Variants in TUBA3D observed in about 807,000 individuals in gnomAD.
TUBA3D encodes tubulin alpha-3D chain.
In TUBA3D, 24 loss-of-function variants were observed where a neutral mutation model predicts 36.1. The observed-to-expected ratio is 0.66, with a 90% CI of 0.48 to 0.93. The LOEUF is 0.93. Among genes scored for constraint, TUBA3D ranks in the 40% least tolerant of loss-of-function variants. The probability of loss-of-function intolerance (pLI) is 0.00; values close to 1 mark genes in which losing one functional copy is unlikely to be tolerated. For missense variants in TUBA3D, 356 were observed against 614.5 expected (o/e 0.58, Z 4.45); for synonymous variants, 185 against 247.2 (o/e 0.75, Z 2.36).
rs575365089 is a variant in TUBA3D at position 131,479,202 on chromosome 2, G to A, written c.227-106G>A. 191 of 1,501,676 alleles carry A rather than the reference G, an allele frequency of 1.3e-4. No homozygotes were observed. The South Asian group carries it at 1.6e-3, about 13-fold the overall frequency. 93.0% of individuals were successfully genotyped at this position (1,501,676 alleles called of 1,614,324 possible). Reference sequence around the variant, plus strand: ...TGTTGACCTATGACATGTAGGTCATGTACTTTGAACAGCATGTGCTCTGTA... The same window carrying A: ...TGTTGACCTATGACATGTAGGTCATATACTTTGAACAGCATGTGCTCTGTA... On this transcript the variant is annotated intron_variant, in intron 2 of 4. Transcript: ENST00000321253.
chr2:131,480,305 C>G lies in TUBA3D; in HGVS notation c.612C>G (p.Val204=), dbSNP rs560756950. ...AACATTCTGACTGTGCCTTCATGGTCGACAATGAAGCCATCTATGACATAT... is the reference window on the plus strand; with the variant it reads ...AACATTCTGACTGTGCCTTCATGGTGGACAATGAAGCCATCTATGACATAT... ...TLEHSDCAFM[V]DNEAIYDICR... Residue 204 remains valine, a synonymous_variant, in exon 4 of 5, where the codon GTC becomes GTG. Coordinates refer to ENST00000321253, the MANE Select transcript of TUBA3D (RefSeq NM_080386.4). The G allele has an allele frequency of 4.3e-6, 7 of 1,613,344 alleles. No homozygotes were observed. Among genetic ancestry groups the G allele is most frequent in the African/African-American group, 1.3e-5 (1 of 74,458 alleles).
rs1678816795 is a variant in TUBA3D at position 131,480,356 on chromosome 2, TCCCACGTACA to T, written c.666_675del (p.Tyr224SerfsTer4). 1.2e-6 allele frequency: 2 copies of T among 1,609,922 alleles called. No homozygotes were observed. Among genetic ancestry groups the T allele is most frequent in the Admixed American group, 3.3e-5 (2 of 59,852 alleles). ...GTCGGCGCAACCTGGACATTGAACG[TCCCACGTACA>T]CCAACCTCAATCGCCTGATTGGGCA... On this transcript the variant is annotated frameshift_variant, in exon 4 of 5. Coordinates refer to ENST00000321253, the MANE Select transcript of TUBA3D (RefSeq NM_080386.4). LOFTEE classifies it high-confidence loss of function.
At chr2:131,478,064 C>G (rs1293625718) in intron 1 of TUBA3D, 100 bp from the exon 2 acceptor site, 1 of 1,479,706 alleles carries the variant, frequency 6.8e-7, no homozygotes, top group Admixed American at 2.2e-5. Context: ...GCGCCAGATA[C>G]TGAAGCAGTA....
chr2:131,480,419 G>A lies in TUBA3D; in HGVS notation c.726G>A (p.Leu242=). The A allele has an allele frequency of 2.5e-6, 4 of 1,588,244 alleles. No individual in the cohort carries two copies. The highest frequency in any genetic ancestry group is 3.4e-6 in the Non-Finnish European group (4 of 1,171,486). Reference sequence around the variant, plus strand: ...TCGTGTCCTCCATCACAGCCTCCCTGCGATTTGATGGGGCCCTGAATGTGG... The same window carrying A: ...TCGTGTCCTCCATCACAGCCTCCCTACGATTTGATGGGGCCCTGAATGTGG... ...GQIVSSITAS[L]RFDGALNVDL... The change falls in exon 4 of 5, where the codon CTG becomes CTA. Residue 242 remains leucine (L), a synonymous_variant. Transcript: ENST00000321253.
chr2:131,480,659 C>A lies in TUBA3D; in HGVS notation c.966C>A (p.Asp322Glu), dbSNP rs755153413. Residue 322 changes from aspartate to glutamate, a missense_variant, in exon 4 of 5, where the codon GAC becomes GAA. By Grantham distance (45) the Asp-to-Glu change is conservative. Around this residue, in one of 3 missense-constraint regions of TUBA3D, gnomAD observed 156 missense variants for 219.8 expected, o/e 0.71. Transcript: ENST00000321253. ...YMACCMLYRG[D>E]VVPKDVNAAI... is the part of the protein sequence containing the mutation. ...CCTGCTGCATGTTGTACAGGGGGGA[C>A]GTGGTCCCCAAAGACGTCAACGCGG... 3 of 1,613,844 alleles carry A rather than the reference C, an allele frequency of 1.9e-6. No homozygotes were observed. The highest frequency in any genetic ancestry group is 2.2e-5 in the East Asian group (1 of 44,882).
intron 1 of TUBA3D, among the ~76,000 whole-genome samples, chr2:131,477,747 T>C (rs912294572): frequency 6.6e-6 from 1 of 151,618 alleles, no homozygotes; most frequent in African/African-American, 2.4e-5. Flanking sequence ...CACCTGGGCT[T>C]GGACCATGGT....
chr2:131,477,165 G>A (rs1420873905), intron 1 of TUBA3D, among the ~76,000 whole-genome samples: 2 of 151,668 alleles, frequency 1.3e-5, no homozygotes, highest in East Asian at 1.9e-4. Flanking sequence ...AGCCTTCCGA[G>A]TAGCTGGTAC....
chr2:131,477,007 A>G (rs1262256716), intron 1 of TUBA3D, among the ~76,000 whole-genome samples: 1 of 141,896 alleles, frequency 7.0e-6, no homozygotes, highest in Non-Finnish European at 1.5e-5. Context: ...GTGGTTTGTC[A>G]GTTATCCTTT....
At chr2:131,481,280 A>T (rs1315642906) in intron 4 of TUBA3D, among the ~76,000 whole-genome samples, 14 of 150,060 alleles carry the variant, frequency 9.3e-5, no homozygotes, top group Non-Finnish European at 1.9e-4. Flanking sequence ...TTATTTATTT[A>T]TTTTTTGAGA....
intron 1 of TUBA3D, among the ~76,000 whole-genome samples, chr2:131,476,648 G>A (rs1207197678): frequency 1.3e-5 from 2 of 152,138 alleles, no homozygotes; most frequent in African/African-American, 4.8e-5. Context: ...AAAGGCAACC[G>A]TTAGGCCAGG....
chr2:131,480,230 A>G lies in TUBA3D; in HGVS notation c.537A>G (p.Thr179=). Residue 179 remains threonine (T), a synonymous_variant, in exon 4 of 5, where the codon ACA becomes ACG. Coordinates refer to ENST00000321253, the MANE Select transcript of TUBA3D (RefSeq NM_080386.4). ...TTTACCCAGCCCCCCAGGTCTCCAC[A>G]GCCGTGGTGGAGCCCTACAACTCCA... ...FAIYPAPQVS[T]AVVEPYNSIL... 1.2e-6 allele frequency: 2 copies of G among 1,613,980 alleles called. No individual in the cohort carries two copies. Among genetic ancestry groups the G allele is most frequent in the Non-Finnish European group, 1.7e-6 (2 of 1,180,044 alleles).
Position 131,480,056 on chromosome 2 carries a change from T to C in TUBA3D, c.376-13T>C, listed in dbSNP as rs746121096. On this transcript the variant is annotated splice_polypyrimidine_tract_variant and intron_variant, in intron 3 of 4. Coordinates refer to ENST00000321253, the MANE Select transcript of TUBA3D (RefSeq NM_080386.4). ...TCCATGGGCATTGGCTCACGTTGTG[T>C]GGTTTCTCTCAGGCGGATCTGTGCA... 6.4e-7 allele frequency: 1 copy of C among 1,567,322 alleles called. No homozygotes were observed. Among genetic ancestry groups the C allele is most frequent in the Admixed American group, 1.8e-5 (1 of 54,690 alleles).
At chr2:131,478,487 GA>G in intron 2 of TUBA3D, 101 bp downstream of exon 2, 1 of 1,368,818 alleles carries the variant, frequency 7.3e-7, no homozygotes. Context: ...GAAAGGATGG[GA>G]TAGACAGGCA....
rs1229461335 is a variant in TUBA3D at position 131,477,037 on chromosome 2, C to CT, written c.3+847dup. On this transcript the variant is annotated intron_variant, in intron 1 of 4. Coordinates refer to ENST00000321253, the MANE Select transcript of TUBA3D (RefSeq NM_080386.4). ...TCCTTTTTTTCCTTTCTTTTTCTTTCTTTTTTTTTTTTGAGACAGCACTCA... is the reference window on the plus strand; with the variant it reads ...TCCTTTTTTTCCTTTCTTTTTCTTTCTTTTTTTTTTTTTGAGACAGCACTCA... Among the ~76,000 whole-genome samples the CT allele has an allele frequency of 1.1e-3, 116 of 108,626 alleles. 2 individuals are homozygous for CT. Among genetic ancestry groups the CT allele is most frequent in the Middle Eastern group, 4.3e-3 (1 of 234 alleles). 71.3% of individuals were successfully genotyped at this position (108,626 alleles called of 152,430 possible). A position where few individuals can be genotyped will look rare whatever the true frequency, so the allele number is the denominator to read the frequency against.
intron 4 of TUBA3D, among the ~76,000 whole-genome samples, chr2:131,482,189 T>C (rs1678887722): frequency 6.6e-6 from 1 of 152,228 alleles, no homozygotes; most frequent in Admixed American, 6.5e-5. Context: ...ACTCTGAATC[T>C]ATCTGGGTGG....
At position 131,479,296 on chromosome 2, in the gene TUBA3D, T is replaced by C; in HGVS notation, c.227-12T>C. On this transcript the variant is annotated splice_polypyrimidine_tract_variant and intron_variant, in intron 2 of 4. Transcript: ENST00000321253. Reference sequence around the variant, plus strand: ...CCTTAAAAATTCACAGCACACACTGTCTCTTTTGCAGATGAAGTGCGCACA... The same window carrying C: ...CCTTAAAAATTCACAGCACACACTGCCTCTTTTGCAGATGAAGTGCGCACA... 6.2e-7 allele frequency: 1 copy of C among 1,613,214 alleles called. No homozygotes were observed. Among genetic ancestry groups the C allele is most frequent in the South Asian group, 1.1e-5 (1 of 91,010 alleles).
In TUBA3D at chr2:131,480,627, T is replaced by C. The variant is rs1678827533; in HGVS notation, c.934T>C (p.Tyr312His). 3.7e-6 allele frequency: 6 copies of C among 1,613,610 alleles called. No homozygotes were observed. Among genetic ancestry groups the C allele is most frequent in the Non-Finnish European group, 5.1e-6 (6 of 1,180,042 alleles). The change falls in exon 4 of 5, where the codon TAC (tyrosine) becomes CAC (histidine). Residue 312 changes from tyrosine (Y) to histidine (H), a missense_variant. Tyr to His is a moderately conservative substitution (Grantham distance 83). Coordinates refer to ENST00000321253, the MANE Select transcript of TUBA3D (RefSeq NM_080386.4). Reference protein sequence around the residue: ...MVKCDPRHGKYMACCMLYRGD... With the variant: ...MVKCDPRHGKHMACCMLYRGD... ...CAAGTGTGACCCTCGCCACGGCAAG[T>C]ACATGGCCTGCTGCATGTTGTACAG...
intron 4 of TUBA3D, 107 bp from the exon 5 acceptor site, chr2:131,482,445 G>A (rs904267230): frequency 2.0e-6 from 3 of 1,477,998 alleles, no homozygotes; most frequent in Non-Finnish European, 2.7e-6. Flanking sequence ...GGTGAACTGA[G>A]CATTCTCCGT....
chr2:131,479,557 T>G, intron 3 of TUBA3D, 101 bp downstream of exon 3: 1 of 1,563,504 alleles, frequency 6.4e-7, no homozygotes, highest in Non-Finnish European at 8.7e-7. Context: ...ACCAGCATCT[T>G]GGCCGGGCGC....
Sources: allele counts gnomAD v4.1 joint callset (sites outside exome capture counted in the v4.1 genomes callset), GRCh38; gene constraint gnomAD v4.1.1; regional missense constraint gnomAD v4.1.1; transcripts MANE v1.5; gene names NCBI Gene and HGNC (gene_info 2026-07-23, HGNC 2026-07-21).